Variants in MAP4 observed in about 807,000 individuals in gnomAD.
MAP4 encodes the protein microtubule-associated protein 4.
MAP4 carries 76 observed loss-of-function variants against 170.2 expected under a neutral mutation model. The ratio of observed to expected loss-of-function variants is 0.45; its 90% CI spans 0.37 to 0.54. The LOEUF (loss-of-function observed/expected upper bound fraction) is 0.54. MAP4 is among the 20% of genes least tolerant of loss of function. The probability of loss-of-function intolerance (pLI) is 0.00; values close to 1 mark genes in which losing one functional copy is unlikely to be tolerated. For synonymous variants in MAP4, 909 were observed against 994.5 expected, an observed-to-expected ratio of 0.91 and a Z score of 1.62; for missense variants, 2,506 against 2,748.0, an observed-to-expected ratio of 0.91 and a Z score of 1.97.
rs1381655016 is a variant in MAP4, at chr3:47,858,862, C to T, written c.6502-1350G>A. ...GGTGCACCTTGGCTGGGCACGGTGG[C>T]TCACGCCTGTAATCCCAGCACTTTG... On this transcript the variant is annotated intron_variant, in intron 17 of 20. Transcript: ENST00000683076. Among the ~76,000 whole-genome samples the T allele has an allele frequency of 2.0e-5, 3 of 151,802 alleles. No homozygotes were observed. The East Asian group carries it at 5.8e-4, about 29-fold the overall frequency.
intron 2 of MAP4, among the ~76,000 whole-genome samples, chr3:47,983,628 T>C (rs539151951): frequency 6.6e-6 from 1 of 152,276 alleles, no homozygotes; most frequent in Admixed American, 6.5e-5. Context: ...CCTCAGGTGA[T>C]CCACCTGCTT....
In MAP4 at chr3:47,851,493, CTACA is replaced by C. The variant is rs2042156747; in HGVS notation, c.*1437_*1440del. On this transcript the variant is annotated 3_prime_UTR_variant, in exon 21 of 21. Transcript: ENST00000683076. ...TGGGGCAGCCTCCTCAGAGGCAAAT[CTACA>C]CTGCAGCCAATCCCCCTCCAGAGAA... is the stretch of plus-strand genomic sequence containing the variant. 1 of 152,262 alleles carries C rather than the reference CTACA, an allele frequency of 6.6e-6. No individual in the cohort carries two copies. Among genetic ancestry groups the C allele is most frequent in the East Asian group, 1.9e-4 (1 of 5,206 alleles). The allele number at this position is 152,262 out of a possible 1,614,324, so 9.4% of individuals were successfully genotyped here.
At position 48,074,679 on chromosome 3, in the gene MAP4, TGTGTGTGTG is replaced by T. The variant is rs1559906071; in HGVS notation, c.-20+14085_-20+14093del. On this transcript the variant is annotated intron_variant, in intron 1 of 18. Transcript: ENST00000360240. ...GCAAGCCACCACATCCAGCTAATTG[TGTGTGTGTG>T]TGTGTGTGTGTGTGTGTGTGTGTGT... Among the ~76,000 whole-genome samples, 454 of 125,424 alleles carry T rather than the reference TGTGTGTGTG, an allele frequency of 3.6e-3. 10 individuals are homozygous for T. Among genetic ancestry groups the T allele is most frequent in the African/African-American group, 0.012 (415 of 35,222 alleles). The allele number at this position is 125,424 out of a possible 152,430, so 82.3% of individuals were successfully genotyped here. A position where few individuals can be genotyped will look rare whatever the true frequency, so the allele number is the denominator to read the frequency against.
Position 48,002,635 on chromosome 3 carries a change from A to G in MAP4, c.-19-3756T>C, listed in dbSNP as rs190258007. Among the ~76,000 whole-genome samples, 235 of 152,134 alleles carry G rather than the reference A, an allele frequency of 1.5e-3. 1 individual carries two copies. Among genetic ancestry groups the G allele is most frequent in the African/African-American group, 5.3e-3 (221 of 41,526 alleles). ...GAGGCTCATGCCTGTAACCCCAACA[A>G]TTTGAGAGCCTGAGGCAGCTGGATC... On this transcript the variant is annotated intron_variant, in intron 1 of 20. Transcript: ENST00000683076.
rs977391530 is a variant in MAP4, at chr3:48,061,869, C to T, written c.-20+26904G>A. ...GCAGCCCCCGCCCGGCCAGCCACCC[C>T]GTCCGGGAGGTGGGGGGCGCCTCCG... On this transcript the variant is annotated intron_variant, in intron 1 of 18. Coordinates refer to the MAP4 transcript ENST00000360240. Among the ~76,000 whole-genome samples the T allele has an allele frequency of 4.8e-5, 7 of 146,620 alleles. No individual in the cohort carries two copies. In the South Asian group the frequency reaches 1.3e-3, roughly 27 times the overall value.
chr3:48,004,910 T>C (rs1001877257), intron 1 of MAP4, among the ~76,000 whole-genome samples: 1 of 152,092 alleles, frequency 6.6e-6, no homozygotes, highest in Non-Finnish European at 1.5e-5. Context: ...GCAAGAGTCA[T>C]GGCCTCCTCT....
chr3:47,928,342 T>C lies in MAP4; in HGVS notation c.301A>G (p.Thr101Ala), dbSNP rs760375075. Reference sequence around the variant, plus strand: ...GCCATTTTCTCTTCAAGGAATTCAGTTGGAGACCCTTAAAATAGAGACACA... The same window carrying C: ...GCCATTTTCTCTTCAAGGAATTCAGCTGGAGACCCTTAAAATAGAGACACA... ...VEGSDTTGSP[T>A]EFLEEKMAYQ... Residue 101 changes from threonine (T) to alanine (A), a missense_variant, in exon 4 of 21, where the codon ACT becomes GCT. Thr to Ala is a moderately conservative substitution (Grantham distance 58). This residue lies in a region of MAP4 where 2,008 missense variants were observed against 2,206.0 expected (regional missense o/e 0.91). Coordinates refer to ENST00000683076, the MANE Select transcript of MAP4 (RefSeq NM_001385682.1). 2.2e-5 allele frequency: 36 copies of C among 1,613,960 alleles called. No individual in the cohort carries two copies. Among genetic ancestry groups the C allele is most frequent in the East Asian group, 1.8e-4 (8 of 44,890 alleles).
chr3:48,048,109 T>C (rs2100125537), intron 1 of MAP4, among the ~76,000 whole-genome samples: 1 of 151,980 alleles, frequency 6.6e-6, no homozygotes, highest in Non-Finnish European at 1.5e-5. Flanking sequence ...ACTCCCATCT[T>C]TTAAAAAGAG....
At chr3:47,896,365 A>C (rs1303216562) in intron 10 of MAP4, among the ~76,000 whole-genome samples, 1 of 152,186 alleles carries the variant, frequency 6.6e-6, no homozygotes, top group Non-Finnish European at 1.5e-5. Context: ...CCCCGTGTCT[A>C]CTAAAAATAC....
At chr3:47,897,379 G>A (rs901861117) in intron 10 of MAP4, among the ~76,000 whole-genome samples, 3 of 152,070 alleles carry the variant, frequency 2.0e-5, no homozygotes, top group South Asian at 2.1e-4. Context: ...TGCCCAACTC[G>A]GCCTCCCCAA....
intron 4 of MAP4, among the ~76,000 whole-genome samples, chr3:47,927,512 G>A (rs2100046733): frequency 6.6e-6 from 1 of 152,068 alleles, no homozygotes; most frequent in Non-Finnish European, 1.5e-5. Flanking sequence ...TTTCGCTCTT[G>A]TTGCCCAGGC....
intron 8 of MAP4, among the ~76,000 whole-genome samples, 187 bp downstream of exon 8, chr3:47,914,630 G>C (rs1484688963): frequency 6.6e-6 from 1 of 151,498 alleles, no homozygotes. Context: ...TGCTGTAGTA[G>C]TAATTTTTAA....
At chr3:48,064,949 A>G (rs1009580510) in intron 1 of MAP4, among the ~76,000 whole-genome samples, 2 of 152,228 alleles carry the variant, frequency 1.3e-5, no homozygotes, top group Non-Finnish European at 2.9e-5. Context: ...CACTATATAG[A>G]AAGTACCCAT....
At position 47,875,787 on chromosome 3, in the gene MAP4, G is replaced by C. The variant is rs1470127074; in HGVS notation, c.5655C>G (p.Pro1885=). ...GCACTAAGCCTGAAGCAAGGCTCAT[G>C]GGTTTTTTATTCAACCCACCAATGG... ...PTTIGGLNKK[P]MSLASGLVPA... is the part of the protein sequence containing the mutation. The change falls in exon 12 of 21, where the codon CCC becomes CCG. Residue 1885 remains proline (P), a synonymous_variant. Transcript: ENST00000683076. 3.1e-6 allele frequency: 5 copies of C among 1,613,936 alleles called. No homozygotes were observed. In the African/African-American group the frequency reaches 5.3e-5, roughly 17 times the overall value.
intron 2 of MAP4, among the ~76,000 whole-genome samples, chr3:47,980,890 T>A (rs188374645): frequency 6.6e-6 from 1 of 152,168 alleles, no homozygotes; most frequent in African/African-American, 2.4e-5. Flanking sequence ...AAAACTGATA[T>A]CCAGCGAGTG....
chr3:48,080,172 C>G (rs1249389388), intron 1 of MAP4, among the ~76,000 whole-genome samples: 2 of 152,120 alleles, frequency 1.3e-5, no homozygotes, highest in Non-Finnish European at 2.9e-5. Flanking sequence ...TGAAGAGAAA[C>G]TGCAGGGAGG....
At chr3:47,869,804 C>T (rs115278907) in intron 15 of MAP4, among the ~76,000 whole-genome samples, 4 of 152,212 alleles carry the variant, frequency 2.6e-5, no homozygotes, top group African/African-American at 9.6e-5. Context: ...ACTCAACTCC[C>T]CACCCAAGAA....
chr3:48,032,258 T>C (rs1358742823), intron 1 of MAP4, among the ~76,000 whole-genome samples: 1 of 152,046 alleles, frequency 6.6e-6, no homozygotes, highest in Non-Finnish European at 1.5e-5. Flanking sequence ...GAACTTTAGT[T>C]AATAATAATG....
intron 3 of MAP4, among the ~76,000 whole-genome samples, chr3:47,942,947 CA>C (rs886990820): frequency 6.6e-6 from 1 of 151,740 alleles, no homozygotes; most frequent in African/African-American, 2.4e-5. Flanking sequence ...CCAACCTCTA[CA>C]AAAAAAATTT....
Sources: allele counts gnomAD v4.1 joint callset (sites outside exome capture counted in the v4.1 genomes callset), GRCh38; gene constraint gnomAD v4.1.1; regional missense constraint gnomAD v4.1.1; transcripts MANE v1.5; gene names NCBI Gene and HGNC (gene_info 2026-07-23, HGNC 2026-07-21).